The following MAP7D1 variants were observed in gnomAD, a reference collection of about 807,000 sequenced individuals.
The protein encoded by MAP7D1 is MAP7 domain-containing protein 1.
Under a neutral mutation model 97.5 loss-of-function variants are expected in MAP7D1, and 30 were observed. The ratio of observed to expected loss-of-function variants is 0.31; its 90% confidence interval spans 0.23 to 0.42. The LOEUF (loss-of-function observed/expected upper bound fraction) is 0.42. MAP7D1 is among the 10% of genes least tolerant of loss of function. The probability of loss-of-function intolerance (pLI) is 1.00; values close to 1 mark genes in which losing one functional copy is unlikely to be tolerated. For synonymous variants in MAP7D1, 536 were observed against 477.1 expected, an observed-to-expected ratio of 1.12 and a Z score of -1.61; for missense variants, 1,184 against 1,179.5, an observed-to-expected ratio of 1.00 and a Z score of -0.06.
intron 1 of MAP7D1, among the ~76,000 whole-genome samples, chr1:36,162,186 C>A (rs969992721): frequency 3.9e-5 from 6 of 152,168 alleles, no homozygotes; most frequent in African/African-American, 1.4e-4. Context: ...GTGCACCCCC[C>A]ACGCCACAAC....
At chr1:36,171,745 C>G in intron 3 of MAP7D1, 164 bp downstream of exon 3, 1 of 577,106 alleles carries the variant, frequency 1.7e-6, no homozygotes, top group African/African-American at 1.9e-5. Context: ...CTAGCCTGAC[C>G]AATGTGGAGA....
chr1:36,163,107 G>A (rs1644433775), intron 1 of MAP7D1, among the ~76,000 whole-genome samples: 1 of 151,958 alleles, frequency 6.6e-6, no homozygotes, highest in South Asian at 2.1e-4. Flanking sequence ...AGAGGGTGGA[G>A]ATGGGGTGTT....
Position 36,178,120 on chromosome 1 carries a change from GCCTCACCGGCAC to G in MAP7D1, c.1629_1640del (p.Ala550_Pro553del). On this transcript the variant is annotated inframe_deletion, in exon 9 of 17. Transcript: ENST00000474796. ...TAACGAGAAGGAGTCAGCAGCCCCA[GCCTCACCGGCAC>G]CTTCGCCGGCGCCCTCGCCCACCCC... 1 of 1,594,284 alleles carries G rather than the reference GCCTCACCGGCAC, an allele frequency of 6.3e-7. No homozygotes were observed. The highest frequency in any genetic ancestry group is 1.1e-5 in the South Asian group (1 of 89,080).
chr1:36,179,416 G>C, intron 13 of MAP7D1, 99 bp from the exon 14 acceptor site: 1 of 1,578,020 alleles, frequency 6.3e-7, no homozygotes, highest in South Asian at 1.1e-5. Context: ...GGCTGTCAGG[G>C]AGGCCGCTGC....
intron 1 of MAP7D1, among the ~76,000 whole-genome samples, chr1:36,161,910 T>TGTGTGTGAGA (rs750232866): frequency 2.1e-4 from 22 of 105,544 alleles, no homozygotes; most frequent in Admixed American, 5.5e-4. Flanking sequence ...TGTGTGTGTG[T>TGTGTGTGAGA]GAGAGAGAGA....
chr1:36,167,666 G>A (rs1022907333), intron 1 of MAP7D1, among the ~76,000 whole-genome samples: 2 of 152,208 alleles, frequency 1.3e-5, no homozygotes, highest in South Asian at 4.1e-4. Context: ...GCCGGGAGCC[G>A]AGGTCCTCAG....
At chr1:36,158,910 G>A (rs947461184) in intron 1 of MAP7D1, among the ~76,000 whole-genome samples, 1 of 152,278 alleles carries the variant, frequency 6.6e-6, no homozygotes, top group Non-Finnish European at 1.5e-5. Context: ...TTGCTCATCT[G>A]TAAAATGAGA....
At position 36,171,167 on chromosome 1, in the gene MAP7D1, C is replaced by G. The variant is rs1160069777; in HGVS notation, c.243C>G (p.Pro81=). 116 of 1,613,840 alleles carry G rather than the reference C, an allele frequency of 7.2e-5. No homozygotes were observed. The highest frequency in any genetic ancestry group is 9.7e-5 in the Non-Finnish European group (114 of 1,179,908). ...GGCAGGTCGGGCCTAGGCCAGCCCCCCCGCAGGAAGAGTCCCCTTCCTCTG... is the reference window on the plus strand; with the variant it reads ...GGCAGGTCGGGCCTAGGCCAGCCCCGCCGCAGGAAGAGTCCCCTTCCTCTG... ...PSGQVGPRPA[P]PQEESPSSEA... The change falls in exon 2 of 17, where the codon CCC becomes CCG. Residue 81 remains proline (P), a synonymous_variant. Coordinates refer to ENST00000474796, the MANE Select transcript of MAP7D1 (RefSeq NM_001388490.1).
rs777827789 is a variant in MAP7D1, at chr1:36,178,826, G to A, written c.2025+3G>A. The A allele has an allele frequency of 2.0e-5, 31 of 1,531,566 alleles. No individual in the cohort carries two copies. Among genetic ancestry groups the A allele is most frequent in the East Asian group, 2.5e-5 (1 of 39,360 alleles). 94.9% of individuals were successfully genotyped at this position (1,531,566 alleles called of 1,614,324 possible). The stretch of plus-strand genomic sequence containing the variant: ...AGCAGGAGCGGCTGCAGAAGCAGGT[G>A]CCCCCGGCGGGCGGGAAGCGGCTGG... On this transcript the variant is annotated splice_donor_region_variant and intron_variant, in intron 11 of 16. Transcript: ENST00000474796.
chr1:36,168,796 G>A (rs1221676202), intron 1 of MAP7D1, among the ~76,000 whole-genome samples: 1 of 152,202 alleles, frequency 6.6e-6, no homozygotes, highest in East Asian at 1.9e-4. Flanking sequence ...TAATGGGTAA[G>A]GACAGGCTCT....
rs770696144 is a variant in MAP7D1, at chr1:36,176,166, G to A, written c.851-33G>A. ...TCTTCCTGCCTCCTACGGCCCCCAC[G>A]GTGACCGGCTTCGCCTGGCCTTCTA... is the stretch of plus-strand genomic sequence containing the variant. On this transcript the variant is annotated intron_variant, in intron 6 of 16. Transcript: ENST00000474796. The surrounding 1 kb of genome is among the most constrained non-coding windows in gnomAD (Gnocchi z 6.1). The A allele has an allele frequency of 6.9e-6, 11 of 1,598,610 alleles. No individual in the cohort carries two copies. In the South Asian group the frequency reaches 1.2e-4, roughly 18 times the overall value.
rs764469389 is a variant in MAP7D1 at position 36,173,451 on chromosome 1, C to T, written c.712C>T (p.His238Tyr). 7 of 1,613,664 alleles carry T rather than the reference C, an allele frequency of 4.3e-6. No homozygotes were observed. The highest frequency in any genetic ancestry group is 5.9e-6 in the Non-Finnish European group (7 of 1,179,840). ...GCGCTGGTCCTGGGCAGGGGCCCTG[C>T]ACCACAGCTCTCCAGGACATAAGAC... The part of the protein sequence containing the change: ...QQRWSWAGAL[H>Y]HSSPGHKTSG... Residue 238 changes from histidine (H) to tyrosine (Y), a missense_variant, in exon 5 of 17, where the codon CAC becomes TAC. Physicochemically the swap from His to Tyr is moderately conservative, Grantham distance 83. Transcript: ENST00000474796.
rs1644699709 is a variant in MAP7D1 at position 36,180,323 on chromosome 1, G to A, written c.*65G>A. ...CTCTGCATCACCTACCAGGATGTCTGGAGGAGAAAAAGACAGAACAAAGAT... is the reference window on the plus strand; with the variant it reads ...CTCTGCATCACCTACCAGGATGTCTAGAGGAGAAAAAGACAGAACAAAGAT... On this transcript the variant is annotated 3_prime_UTR_variant, in exon 17 of 17. Transcript: ENST00000474796. The A allele has an allele frequency of 1.9e-6, 3 of 1,610,228 alleles. No individual in the cohort carries two copies. Among genetic ancestry groups the A allele is most frequent in the Non-Finnish European group, 1.7e-6 (2 of 1,176,484 alleles).
chr1:36,179,423 C>T (rs1644683490), intron 13 of MAP7D1, 92 bp from the exon 14 acceptor site: 1 of 1,573,902 alleles, frequency 6.4e-7, no homozygotes, highest in African/African-American at 1.3e-5. Flanking sequence ...AGGGAGGCCG[C>T]TGCGGCCCGG....
At chr1:36,179,107 A>C (rs1441304384) in intron 12 of MAP7D1, 82 bp downstream of exon 12, 21 of 1,505,844 alleles carry the variant, frequency 1.4e-5, no homozygotes, top group African/African-American at 4.2e-5. Flanking sequence ...TAGAGCGGAC[A>C]GGACGGGAAA....
chr1:36,165,449 C>T (rs1021186740), intron 1 of MAP7D1, among the ~76,000 whole-genome samples: 2 of 147,506 alleles, frequency 1.4e-5, no homozygotes, highest in Non-Finnish European at 3.0e-5. Context: ...TAAAATTTTT[C>T]TTTTTTTTCT....
In MAP7D1 at chr1:36,156,317, G is replaced by C. The variant is rs1358516157; in HGVS notation, c.-101G>C. 9.7e-7 allele frequency: 1 copy of C among 1,026,552 alleles called. No individual in the cohort carries two copies. Among genetic ancestry groups the C allele is most frequent in the African/African-American group, 1.7e-5 (1 of 58,756 alleles). The allele number at this position is 1,026,552 out of a possible 1,614,324, so 63.6% of individuals were successfully genotyped here. ...CCTCCGAGTCGCTACTTGCCGGGCC[G>C]GGCCGGGCCGGGCGTGATGCGCCGC... On this transcript the variant is annotated 5_prime_UTR_variant, in exon 1 of 17. Transcript: ENST00000474796.
chr1:36,178,479 T>C lies in MAP7D1; in HGVS notation c.1769T>C (p.Met590Thr). Residue 590 changes from methionine (M) to threonine (T), a missense_variant, in exon 10 of 17, where the codon ATG becomes ACG. Physicochemically the swap from Met to Thr is moderately conservative, Grantham distance 81. Transcript: ENST00000474796. ...PAPPVTPSKP[M>T]AGTTDREEAT... ...CCCCCGGTGACCCCTAGCAAACCAA[T>C]GGCCGGCACCACAGACCGAGAAGAA... 1.9e-6 allele frequency: 3 copies of C among 1,611,082 alleles called. No individual in the cohort carries two copies. The highest frequency in any genetic ancestry group is 2.5e-6 in the Non-Finnish European group (3 of 1,179,216).
Position 36,159,007 on chromosome 1 carries a change from G to A in MAP7D1, c.46+2544G>A, listed in dbSNP as rs1644374019. 6.6e-6 allele frequency among the ~76,000 whole-genome samples: 1 copy of A among 152,070 alleles called. No homozygotes were observed. The highest frequency in any genetic ancestry group is 6.6e-5 in the Admixed American group (1 of 15,266). ...CACTTAGACTAGGCCCTGGCACATA[G>A]CCAGTGCCCAATAAGTGCTAGCCAT... On this transcript the variant is annotated intron_variant, in intron 1 of 16. Coordinates refer to ENST00000474796, the MANE Select transcript of MAP7D1 (RefSeq NM_001388490.1). This position sits in a 1 kb window ranked among gnomAD's most constrained non-coding sequence, Gnocchi z 5.4.
Sources: gnomAD v4.1 joint callset for allele counts (sites outside exome capture counted in the v4.1 genomes callset) on GRCh38, gnomAD v4.1.1 for gene constraint, Gnocchi (gnomAD v3.1) non-coding constraint, MANE v1.5 for transcripts, NCBI Gene and HGNC (gene_info 2026-07-23, HGNC 2026-07-21) for gene names.